Variants in SMC1B observed in about 807,000 individuals in gnomAD.
SMC1B encodes structural maintenance of chromosomes 1B.
In SMC1B, 60 loss-of-function variants were observed where a neutral mutation model predicts 157.9. The ratio of observed to expected loss-of-function variants is 0.38; its 90% CI spans 0.31 to 0.47. The LOEUF (loss-of-function observed/expected upper bound fraction) is 0.47, where lower values mean the gene tolerates loss of function less well. Ranked by LOEUF, SMC1B falls within the 20% of genes least tolerant of loss-of-function variation. The pLI, the probability that SMC1B is intolerant of heterozygous loss-of-function variation, is 0.99. For missense variants in SMC1B, 1,165 were observed against 1,426.2 expected (o/e 0.82, Z 2.95); for synonymous variants, 445 against 483.0 (o/e 0.92, Z 1.03).
chr22:45,394,643 TAAAAG>T (rs760877774), intron 8 of SMC1B, 37 bp downstream of exon 8: 6 of 1,478,438 alleles, frequency 4.1e-6, no homozygotes, highest in Non-Finnish European at 5.4e-6. Flanking sequence ...TCTCAAAAAA[TAAAAG>T]AAAATTGCTG....
intron 15 of SMC1B, among the ~76,000 whole-genome samples, chr22:45,369,220 C>A (rs2086805538): frequency 6.6e-6 from 1 of 151,998 alleles, no homozygotes; most frequent in African/African-American, 2.4e-5. Context: ...CCTCAGCCTT[C>A]CGAGTAGCTG....
chr22:45,396,291 G>C (rs2087122776), intron 7 of SMC1B, 55 bp downstream of exon 7: 2 of 1,495,118 alleles, frequency 1.3e-6, no homozygotes, highest in Non-Finnish European at 9.1e-7. Context: ...GTACAAAAAG[G>C]AAATAAAATT....
rs145225067 is a variant in SMC1B at position 45,413,592 on chromosome 22, G to A, written c.-25C>T. 5.1e-3 allele frequency: 8,005 copies of A among 1,567,336 alleles called. 27 individuals are homozygous for A. Among genetic ancestry groups the A allele is most frequent in the Middle Eastern group, 0.025 (150 of 5,994 alleles). ...TGGCGCCGCCCTCCACGCCTCACCCGCGTTATCAAGCGCCCGCGGAAAAAG... is the reference window on the plus strand; with the variant it reads ...TGGCGCCGCCCTCCACGCCTCACCCACGTTATCAAGCGCCCGCGGAAAAAG... On this transcript the variant is annotated 5_prime_UTR_variant, in exon 1 of 25. Transcript: ENST00000357450.
At chr22:45,373,312 T>A (rs2086852988) in intron 12 of SMC1B, among the ~76,000 whole-genome samples, 1 of 152,248 alleles carries the variant, frequency 6.6e-6, no homozygotes. Context: ...TGTCTCAAGA[T>A]ACCTTCGGTT....
intron 12 of SMC1B, among the ~76,000 whole-genome samples, chr22:45,376,600 T>G (rs75091316): frequency 6.6e-6 from 1 of 152,202 alleles, no homozygotes; most frequent in Non-Finnish European, 1.5e-5. Flanking sequence ...CTGGATCATA[T>G]GGTAATTCTA....
At chr22:45,371,004 T>C (rs971386266) in intron 14 of SMC1B, among the ~76,000 whole-genome samples, 11 of 152,232 alleles carry the variant, frequency 7.2e-5, no homozygotes, top group South Asian at 2.1e-4. Flanking sequence ...CACGGTGGAA[T>C]GGATTAAATC....
intron 23 of SMC1B, among the ~76,000 whole-genome samples, chr22:45,347,481 CAAG>C (rs2086564069): frequency 6.6e-6 from 1 of 152,210 alleles, no homozygotes; most frequent in Admixed American, 6.5e-5. Context: ...AGTAAGCAAT[CAAG>C]GAGGTCAGCT....
chr22:45,387,606 C>T (rs2087003781), intron 10 of SMC1B, among the ~76,000 whole-genome samples: 1 of 152,198 alleles, frequency 6.6e-6, no homozygotes, highest in South Asian at 2.1e-4. Context: ...TCAACTCTGT[C>T]ATTAACTAGT....
chr22:45,359,774 G>T (rs1344981681), intron 18 of SMC1B, 31 bp downstream of exon 18: 2 of 1,602,142 alleles, frequency 1.2e-6, no homozygotes, highest in Admixed American at 1.7e-5. Flanking sequence ...CCACACAACG[G>T]CACATATTTT....
chr22:45,389,356 G>C (rs562397256), intron 10 of SMC1B, among the ~76,000 whole-genome samples: 76 of 152,328 alleles, frequency 5.0e-4, no homozygotes, highest in African/African-American at 1.6e-3. Flanking sequence ...AATTGAGGCT[G>C]AGTTGGCATT....
intron 14 of SMC1B, 22 bp downstream of exon 14, chr22:45,371,449 G>T: frequency 6.4e-7 from 1 of 1,565,354 alleles, no homozygotes; most frequent in Non-Finnish European, 8.6e-7. Context: ...TACCATTTAG[G>T]AATAAATATA....
At chr22:45,397,892 C>T (rs56351275) in intron 6 of SMC1B, among the ~76,000 whole-genome samples, 713 of 152,310 alleles carry the variant, frequency 4.7e-3, no homozygotes, top group African/African-American at 0.016. Context: ...CCTCACTCTT[C>T]GATTGCCAGT....
At chr22:45,354,930 A>G in intron 20 of SMC1B, 29 bp downstream of exon 20, 2 of 1,607,886 alleles carry the variant, frequency 1.2e-6, no homozygotes, top group Non-Finnish European at 1.7e-6. Context: ...CATGAATATA[A>G]TCTTGTTAGT....
At chr22:45,358,209 G>A (rs1458546698) in intron 19 of SMC1B, among the ~76,000 whole-genome samples, 2 of 152,184 alleles carry the variant, frequency 1.3e-5, no homozygotes, top group African/African-American at 4.8e-5. Flanking sequence ...TGTTCCATGA[G>A]TTGTAGCCTT....
chr22:45,383,387 T>G (rs1752476627), intron 12 of SMC1B, 80 bp downstream of exon 12: 2 of 1,012,582 alleles, frequency 2.0e-6, no homozygotes, highest in South Asian at 4.7e-5. Flanking sequence ...GAATTGGCAC[T>G]GTTATTATAA....
Position 45,361,947 on chromosome 22 carries a change from A to G in SMC1B, c.2600T>C (p.Met867Thr), listed in dbSNP as rs759667227. The G allele has an allele frequency of 6.2e-7, 1 of 1,614,154 alleles. No individual in the cohort carries two copies. Among genetic ancestry groups the G allele is most frequent in the Non-Finnish European group, 8.5e-7 (1 of 1,180,006 alleles). Residue 867 changes from methionine to threonine, a missense_variant, in exon 17 of 25, where the codon ATG (methionine) becomes ACG (threonine). Met to Thr is a moderately conservative substitution (Grantham distance 81). Coordinates refer to ENST00000357450, the MANE Select transcript of SMC1B (RefSeq NM_148674.5). ...ENCLQTVNEL[M>T]AKQQQLKDIR... Reference sequence around the variant, plus strand: ...GTCCTTAAGTTGCTGCTGCTTTGCCATGAGTTCATTCACTGTCTGCAGACA... The same window carrying G: ...GTCCTTAAGTTGCTGCTGCTTTGCCGTGAGTTCATTCACTGTCTGCAGACA...
At chr22:45,371,437 T>C in intron 14 of SMC1B, 34 bp downstream of exon 14, 1 of 1,552,578 alleles carries the variant, frequency 6.4e-7, no homozygotes, top group Non-Finnish European at 8.7e-7. Context: ...TAGAACTACA[T>C]ATACCATTTA....
At chr22:45,402,007 C>G (rs967308028) in intron 5 of SMC1B, among the ~76,000 whole-genome samples, 1 of 152,114 alleles carries the variant, frequency 6.6e-6, no homozygotes, top group Non-Finnish European at 1.5e-5. Flanking sequence ...CCTCAGCCTC[C>G]CGAGTAGGTG....
At chr22:45,384,180 T>C (rs928541671) in intron 11 of SMC1B, among the ~76,000 whole-genome samples, 1 of 152,180 alleles carries the variant, frequency 6.6e-6, no homozygotes, top group African/African-American at 2.4e-5. Context: ...TTATATTTCC[T>C]CTTATGAAAA....
Sources: gnomAD v4.1 joint callset for allele counts (sites outside exome capture counted in the v4.1 genomes callset) on GRCh38, gnomAD v4.1.1 for gene constraint, MANE v1.5 for transcripts, NCBI Gene and HGNC (gene_info 2026-07-23, HGNC 2026-07-21) for gene names.